SGCD: variants seen among roughly 807,000 people sequenced by gnomAD.
SGCD encodes sarcoglycan delta, also known as delta-sarcoglycan.
A neutral mutation model predicts 36.6 loss-of-function variants in SGCD; 18 were observed. The ratio of observed to expected loss-of-function variants is 0.49; its 90% CI spans 0.34 to 0.73. The LOEUF is 0.73. Among genes scored for constraint, SGCD ranks in the 30% least tolerant of loss-of-function variants. SGCD has a pLI of 0.01. For missense variants in SGCD, 387 were observed against 346.7 expected (o/e 1.12, Z -0.92); for synonymous variants, 133 against 130.6 (o/e 1.02, Z -0.12).
At chr5:156,665,062 T>C (rs1764089681) in intron 7 of SGCD, among the ~76,000 whole-genome samples, 1 of 151,460 alleles carries the variant, frequency 6.6e-6, no homozygotes, top group Non-Finnish European at 1.5e-5. Context: ...CGCCCTGCCC[T>C]GTGGTGCTGG....
At chr5:155,983,925 C>T (rs923040891) in intron 1 of SGCD, among the ~76,000 whole-genome samples, 19 of 152,122 alleles carry the variant, frequency 1.2e-4, no homozygotes, top group African/African-American at 4.1e-4. Context: ...TTGTCCATGG[C>T]AGTGGCTGCA....
chr5:155,883,811 A>AG lies in SGCD; in HGVS notation c.-282+13387_-282+13388insG, dbSNP rs1364042452. ...CAATTTGCAAAAAAAAAAAAAAAAA[A>AG]AAAGAAAAGCACTATTTTGGAATGA... is the stretch of plus-strand genomic sequence containing the variant. On this transcript the variant is annotated intron_variant, in intron 1 of 9. Coordinates refer to the SGCD transcript ENST00000517913. Among the ~76,000 whole-genome samples the AG allele has an allele frequency of 2.4e-4, 36 of 151,740 alleles. No individual in the cohort carries two copies. In the East Asian group the frequency reaches 6.8e-3, roughly 29 times the overall value.
chr5:155,905,496 A>G (rs1287233942), intron 1 of SGCD, among the ~76,000 whole-genome samples: 1 of 152,124 alleles, frequency 6.6e-6, no homozygotes, highest in Non-Finnish European at 1.5e-5. Flanking sequence ...ACCCTGACTG[A>G]GCCTGGCACT....
intron 3 of SGCD, among the ~76,000 whole-genome samples, chr5:156,273,673 A>G (rs902576802): frequency 1.3e-5 from 2 of 152,180 alleles, no homozygotes; most frequent in East Asian, 3.9e-4. Flanking sequence ...AATATTTGCT[A>G]TGCGGGACAC....
chr5:155,766,210 A>G, the SGCD span, among the ~76,000 whole-genome samples: 1 of 152,200 alleles, frequency 6.6e-6, no homozygotes, highest in African/African-American at 2.4e-5. Flanking sequence ...ACAGGAAGCC[A>G]TCAAAGGATA....
rs1581246575 is a variant in SGCD, at chr5:156,607,932, C to G, written c.502+12881C>G. Among the ~76,000 whole-genome samples the G allele has an allele frequency of 2.0e-5, 3 of 152,156 alleles. No homozygotes were observed. In the East Asian group the frequency reaches 5.8e-4, roughly 29 times the overall value. ...TTTATTGCGTCTATTTGATTCTTCT[C>G]TTTTCTTCTTGGTTAGTCTTGCTAG... On this transcript the variant is annotated intron_variant, in intron 6 of 8. Transcript: ENST00000337851.
intron 3 of SGCD, among the ~76,000 whole-genome samples, chr5:156,155,365 G>A (rs1401152148): frequency 6.6e-6 from 1 of 151,554 alleles, no homozygotes; most frequent in Admixed American, 6.6e-5. Context: ...AATACTGTGA[G>A]TGGTGCCGTG....
intron 7 of SGCD, among the ~76,000 whole-genome samples, chr5:156,721,528 A>G (rs1755500638): frequency 6.6e-6 from 1 of 152,240 alleles, no homozygotes; most frequent in Non-Finnish European, 1.5e-5. Context: ...GAGAGCTAAA[A>G]TCACCAAATA....
intron 1 of SGCD, among the ~76,000 whole-genome samples, chr5:155,994,947 C>A (rs1297968224): frequency 6.6e-6 from 1 of 152,160 alleles, no homozygotes; most frequent in African/African-American, 2.4e-5. Flanking sequence ...TTAGCAAAGG[C>A]CACGCAACCA....
chr5:156,619,277 G>A (rs572646508), intron 6 of SGCD, among the ~76,000 whole-genome samples: 8 of 152,154 alleles, frequency 5.3e-5, no homozygotes, highest in Non-Finnish European at 7.4e-5. Context: ...TGCCCACCTC[G>A]GCCTCCCAAA....
At chr5:156,458,033 G>C (rs1754331050) in intron 3 of SGCD, among the ~76,000 whole-genome samples, 1 of 152,132 alleles carries the variant, frequency 6.6e-6, no homozygotes, top group African/African-American at 2.4e-5. Context: ...CAACGCCCAA[G>C]TCTTTCTGTG....
At chr5:156,753,052 C>T (rs1223393156) in intron 7 of SGCD, among the ~76,000 whole-genome samples, 1 of 152,148 alleles carries the variant, frequency 6.6e-6, no homozygotes, top group Non-Finnish European at 1.5e-5. Context: ...CCCGCCGAAA[C>T]AAGCAGCATC....
At chr5:156,217,867 C>T (rs868626632) in intron 3 of SGCD, among the ~76,000 whole-genome samples, 1 of 152,016 alleles carries the variant, frequency 6.6e-6, no homozygotes, top group Non-Finnish European at 1.5e-5. Flanking sequence ...AAAATTATTT[C>T]TATATCTAGT....
chr5:155,833,068 A>AAG, the SGCD span, among the ~76,000 whole-genome samples: 56,356 of 142,434 alleles, frequency 0.4, 11,711 homozygotes, highest in Admixed American at 0.56. Context: ...AAAAAAAAAA[A>AAG]AAAGAAAAAA....
chr5:155,938,172 A>C (rs190235902), intron 1 of SGCD, among the ~76,000 whole-genome samples: 1 of 152,272 alleles, frequency 6.6e-6, no homozygotes, highest in East Asian at 1.9e-4. Flanking sequence ...TGCTAATGAC[A>C]TTCTTGGTGC....
In SGCD at chr5:156,589,309, C is replaced by T; in HGVS notation, c.373C>T (p.Leu125Phe). 1 of 1,562,578 alleles carries T rather than the reference C, an allele frequency of 6.4e-7. No individual in the cohort carries two copies. Among genetic ancestry groups the T allele is most frequent in the Non-Finnish European group, 8.7e-7 (1 of 1,149,766 alleles). Residue 125 changes from leucine (L) to phenylalanine (F), a missense_variant, in exon 5 of 9, where the codon CTT becomes TTT. Coordinates refer to ENST00000337851, the MANE Select transcript of SGCD (RefSeq NM_000337.6). ...LNDQTKVLTQ[L>F]ITGPKAVEAY... ...TGACCAGACTAAAGTGCTAACTCAG[C>T]TTATAACAGGTAAGAAAAGGGAGAA...
intron 3 of SGCD, among the ~76,000 whole-genome samples, chr5:156,349,398 G>GAA (rs147107831): frequency 6.7e-6 from 1 of 148,194 alleles, no homozygotes; most frequent in African/African-American, 2.5e-5. Context: ...CTCTAAACAA[G>GAA]AAAAAAAAAC....
intron 7 of SGCD, among the ~76,000 whole-genome samples, chr5:156,650,021 C>T (rs750322075): frequency 5.0e-4 from 76 of 152,164 alleles, no homozygotes; most frequent in Non-Finnish European, 9.9e-4. Context: ...TACTTAAAAA[C>T]AAACCCAACC....
chr5:156,172,363 T>C (rs1260073181), intron 3 of SGCD, among the ~76,000 whole-genome samples: 4 of 152,216 alleles, frequency 2.6e-5, no homozygotes, highest in Non-Finnish European at 5.9e-5. Flanking sequence ...TTTTAGCCTC[T>C]GCTCCTTCAT....
Sources: gnomAD v4.1 joint callset for allele counts (sites outside exome capture counted in the v4.1 genomes callset) on GRCh38, gnomAD v4.1.1 for gene constraint, MANE v1.5 for transcripts, NCBI Gene and HGNC (gene_info 2026-07-23, HGNC 2026-07-21) for gene names.